USP42: variants seen among roughly 807,000 people sequenced by gnomAD.
USP42 encodes ubiquitin carboxyl-terminal hydrolase 42.
USP42 carries 23 observed loss-of-function variants against 113.0 expected under a neutral mutation model. The observed-to-expected ratio is 0.20, with a 90% CI of 0.15 to 0.29. The LOEUF is 0.29. USP42 is among the 10% of genes least tolerant of loss of function. The probability of loss-of-function intolerance (pLI) is 1.00; values close to 1 mark genes in which losing one functional copy is unlikely to be tolerated. For synonymous variants in USP42, 933 were observed against 699.0 expected (o/e 1.33, Z -5.28); for missense variants, 2,174 against 1,779.8 (o/e 1.22, Z -3.99).
Position 6,115,284 on chromosome 7 carries a change from A to G in USP42, c.242-39A>G, listed in dbSNP as rs759192880. The stretch of plus-strand genomic sequence containing the variant: ...TACTATTTATTTAGCTTCAGTATGC[A>G]AAGCTTGGTTTCTGACTCTTTCTTG... On this transcript the variant is annotated intron_variant, in intron 2 of 17. Coordinates refer to ENST00000306177, the MANE Select transcript of USP42 (RefSeq NM_032172.3). 54 of 1,600,988 alleles carry G rather than the reference A, an allele frequency of 3.4e-5. 1 individual carries two copies. Among genetic ancestry groups the G allele is most frequent in the Non-Finnish European group, 2.6e-6 (3 of 1,171,012 alleles).
At chr7:6,109,158 G>A (rs898370889) in intron 1 of USP42, among the ~76,000 whole-genome samples, 3 of 152,196 alleles carry the variant, frequency 2.0e-5, no homozygotes, top group African/African-American at 7.2e-5. Context: ...CTGAGAAGTG[G>A]AAGTGTGAAC....
At chr7:6,149,479 A>C in intron 12 of USP42, 104 bp from the exon 13 acceptor site, 1 of 1,137,554 alleles carries the variant, frequency 8.8e-7, no homozygotes, top group Non-Finnish European at 1.2e-6. Context: ...TTAGTCCTGA[A>C]AAAAAAAAAA....
rs367601929 is a variant in USP42 at position 6,158,729 on chromosome 7, C to T, written c.3944-721C>T. 4.7e-4 allele frequency among the ~76,000 whole-genome samples: 72 copies of T among 152,246 alleles called. No individual in the cohort carries two copies. Among genetic ancestry groups the T allele is most frequent in the African/African-American group, 1.6e-3 (67 of 41,532 alleles). ...GTTTTGCGTTCCCATTTCAGCGAAT[C>T]GGGGAAGGAGATTCGTGAGGGCTGC... is the stretch of plus-strand genomic sequence containing the variant. On this transcript the variant is annotated intron_variant, in intron 16 of 17. Coordinates refer to ENST00000306177, the MANE Select transcript of USP42 (RefSeq NM_032172.3). The surrounding 1 kb of genome is among the most constrained non-coding windows in gnomAD (Gnocchi z 4.2).
intron 3 of USP42, among the ~76,000 whole-genome samples, chr7:6,127,560 T>G (rs1780606651): frequency 6.6e-6 from 1 of 152,172 alleles, no homozygotes; most frequent in Non-Finnish European, 1.5e-5. Context: ...TGCTTTTGTA[T>G]CTTTGTAATT....
At chr7:6,092,154 CTTCTTCTTCT>C in the USP42 span, among the ~76,000 whole-genome samples, 4 of 139,412 alleles carry the variant, frequency 2.9e-5, no homozygotes, top group Non-Finnish European at 6.1e-5. Flanking sequence ...TCTTCCTCTT[CTTCTTCTTCT>C]TTCTTCTTCT....
chr7:6,102,053 A>C (rs1331346096), upstream of USP42, among the ~76,000 whole-genome samples: 1 of 148,966 alleles, frequency 6.7e-6, no homozygotes, highest in Non-Finnish European at 1.5e-5. Flanking sequence ...GTGACATTCC[A>C]CCTTAATTCA....
chr7:6,113,443 TC>T (rs1236111891), intron 2 of USP42, among the ~76,000 whole-genome samples: 1 of 152,040 alleles, frequency 6.6e-6, no homozygotes, highest in African/African-American at 2.4e-5. Flanking sequence ...CTCCCCACTC[TC>T]CCCTTTTCTG....
rs1044224426 is a variant in USP42, at chr7:6,104,978, T to TGCGGCGGCG, written c.-52_-44dup. The TGCGGCGGCG allele has an allele frequency of 6.6e-6, 1 of 151,726 alleles. No homozygotes were observed. The highest frequency in any genetic ancestry group is 1.9e-4 in the East Asian group (1 of 5,370). The allele number at this position is 151,726 out of a possible 1,614,324, so 9.4% of individuals were successfully genotyped here. On this transcript the variant is annotated 5_prime_UTR_variant, in exon 1 of 18. Coordinates refer to ENST00000306177, the MANE Select transcript of USP42 (RefSeq NM_032172.3). The stretch of plus-strand genomic sequence containing the variant: ...TCCCCCGCCGGGCGGCTGGGCTGTG[T>TGCGGCGGCG]GCGGCGGCGGCGGCGGCGGCCGAGG...
At chr7:6,081,258 G>T in the USP42 span, 1 of 152,206 alleles carries the variant, frequency 6.6e-6, no homozygotes, top group Non-Finnish European at 1.5e-5. Flanking sequence ...CTAGCGTTCA[G>T]CGGCTAACGG....
At chr7:6,091,567 A>G in the USP42 span, among the ~76,000 whole-genome samples, 1 of 150,426 alleles carries the variant, frequency 6.6e-6, no homozygotes, top group African/African-American at 2.5e-5. Context: ...TTATACTATA[A>G]TTGGGTTTCT....
At chr7:6,126,005 T>A (rs1320454213) in intron 3 of USP42, among the ~76,000 whole-genome samples, 1 of 152,180 alleles carries the variant, frequency 6.6e-6, no homozygotes, top group African/African-American at 2.4e-5. Flanking sequence ...GACATTGATA[T>A]AGTCAAGATA....
intron 17 of USP42, among the ~76,000 whole-genome samples, chr7:6,160,107 G>T (rs1782687980): frequency 6.6e-6 from 1 of 151,954 alleles, no homozygotes. Flanking sequence ...AGCTAGAGGG[G>T]ACAGTGAACC....
At chr7:6,120,770 G>C (rs1190565235) in intron 3 of USP42, among the ~76,000 whole-genome samples, 2 of 151,852 alleles carry the variant, frequency 1.3e-5, no homozygotes, top group Non-Finnish European at 2.9e-5. Context: ...TTTTAGTAGA[G>C]ATGGGGTTTC....
At position 6,157,625 on chromosome 7, in the gene USP42, C is replaced by T. The variant is rs1166272508; in HGVS notation, c.3943+570C>T. Among the ~76,000 whole-genome samples, 1 of 152,164 alleles carries T rather than the reference C, an allele frequency of 6.6e-6. No individual in the cohort carries two copies. The highest frequency in any genetic ancestry group is 2.4e-5 in the African/African-American group (1 of 41,434). On this transcript the variant is annotated intron_variant, in intron 16 of 17. Transcript: ENST00000306177. The surrounding 1 kb of genome is among the most constrained non-coding windows in gnomAD (Gnocchi z 4.1). Reference sequence around the variant, plus strand: ...GTTAGCCAGGATGGTCTCGAGAACTCTTGGTTTTAAAGCATTTTTGATAGA... The same window carrying T: ...GTTAGCCAGGATGGTCTCGAGAACTTTTGGTTTTAAAGCATTTTTGATAGA...
intron 1 of USP42, among the ~76,000 whole-genome samples, chr7:6,106,470 A>G (rs542129234): frequency 1.8e-4 from 28 of 152,354 alleles, no homozygotes; most frequent in Admixed American, 4.6e-4. Flanking sequence ...CATATAAGAG[A>G]CTGGGAATTT....
chr7:6,082,603 G>GTTTTTTT, the USP42 span, among the ~76,000 whole-genome samples: 16 of 90,194 alleles, frequency 1.8e-4, 1 homozygote, highest in South Asian at 7.1e-4. Flanking sequence ...CTTTCTTTCT[G>GTTTTTTT]TTTTTTTTTT....
chr7:6,100,642 T>G (rs2128468379), upstream of USP42, among the ~76,000 whole-genome samples: 1 of 150,228 alleles, frequency 6.7e-6, no homozygotes. Context: ...TGGACATTTT[T>G]ACACTCTGTT....
At chr7:6,138,044 T>G (rs1385994324) in intron 4 of USP42, among the ~76,000 whole-genome samples, 1 of 152,252 alleles carries the variant, frequency 6.6e-6, no homozygotes, top group Admixed American at 6.5e-5. Flanking sequence ...CCTAGTCTTT[T>G]AAGAAAATGT....
In USP42 at chr7:6,159,462, T is replaced by G. The variant is rs748819055; in HGVS notation, c.*5T>G. On this transcript the variant is annotated 3_prime_UTR_variant, in exon 17 of 18. Coordinates refer to ENST00000306177, the MANE Select transcript of USP42 (RefSeq NM_032172.3). This position sits in a 1 kb window ranked among gnomAD's most constrained non-coding sequence, Gnocchi z 4.1. ...CTTTGCTTTCTAGGTGATTGAAAAC[T>G]CAGCCTCAAAACAAAAAATTCACTA... The G allele has an allele frequency of 1.2e-6, 2 of 1,613,992 alleles. No individual in the cohort carries two copies. Among genetic ancestry groups the G allele is most frequent in the Non-Finnish European group, 1.7e-6 (2 of 1,179,878 alleles).
Sources: allele counts gnomAD v4.1 joint callset (sites outside exome capture counted in the v4.1 genomes callset), GRCh38; gene constraint gnomAD v4.1.1; non-coding constraint Gnocchi (gnomAD v3.1); transcripts MANE v1.5; gene names NCBI Gene and HGNC (gene_info 2026-07-23, HGNC 2026-07-21).